Variants in ACBD5 observed in about 807,000 individuals in gnomAD.
ACBD5 encodes acyl-CoA-binding domain-containing protein 5.
Under a neutral mutation model 71.8 loss-of-function variants are expected in ACBD5, and 40 were observed. The ratio of observed to expected loss-of-function variants is 0.56; its 90% CI spans 0.43 to 0.72. The LOEUF is 0.72. Ranked by LOEUF, ACBD5 falls within the 30% of genes least tolerant of loss-of-function variation. ACBD5 has a pLI of 0.00. For synonymous variants in ACBD5, 229 were observed against 218.6 expected, an observed-to-expected ratio of 1.05 and a Z score of -0.42; for missense variants, 559 against 644.5, an observed-to-expected ratio of 0.87 and a Z score of 1.44.
chr10:27,227,674 C>T (rs1392919052), intron 4 of ACBD5, among the ~76,000 whole-genome samples: 1 of 152,080 alleles, frequency 6.6e-6, no homozygotes, highest in Non-Finnish European at 1.5e-5. Context: ...ATGGACTAGA[C>T]CCTCTGCCAT....
chr10:27,212,607 C>G (rs987732990), intron 8 of ACBD5, among the ~76,000 whole-genome samples: 3 of 113,730 alleles, frequency 2.6e-5, no homozygotes, highest in Non-Finnish European at 3.5e-5. Flanking sequence ...GAGACAAGTT[C>G]TGGCTTTATA....
chr10:27,228,809 ATATATATTTTTTTTT>A (rs1247937678), intron 4 of ACBD5, among the ~76,000 whole-genome samples: 1,310 of 14,792 alleles, frequency 0.089, 36 homozygotes, highest in South Asian at 0.21. Flanking sequence ...ATATATATAT[ATATATATTTTTTTTT>A]TTTTTTTTTT....
chr10:27,186,694 C>A, intron 13 of ACBD5: 1 of 709,758 alleles, frequency 1.4e-6, no homozygotes. Context: ...AGTTAAAAGG[C>A]TGAAAGGAAT....
In ACBD5 at chr10:27,240,620, C is replaced by A. The variant is rs2797078; in HGVS notation, c.15+54G>T. Reference sequence around the variant, plus strand: ...GCGGCCCGGCTCCTTCCTCCTCCCCCGGGGCGTGACTAAGGCCACGAATCC... The same window carrying A: ...GCGGCCCGGCTCCTTCCTCCTCCCCAGGGGCGTGACTAAGGCCACGAATCC... On this transcript the variant is annotated intron_variant, in intron 1 of 12. Transcript: ENST00000396271. The surrounding 1 kb of genome is among the most constrained non-coding windows in gnomAD (Gnocchi z 4.1). 1,139,069 of 1,550,542 alleles carry A rather than the reference C, an allele frequency of 0.73. 419,825 individuals are homozygous for A. Among genetic ancestry groups the A allele is most frequent in the Admixed American group, 0.77 (39,021 of 50,960 alleles).
intron 2 of ACBD5, among the ~76,000 whole-genome samples, chr10:27,235,888 G>A (rs1477484342): frequency 1.3e-5 from 2 of 152,118 alleles, no homozygotes; most frequent in African/African-American, 4.8e-5. Context: ...TGAGGTGGGT[G>A]GATCACCTGA....
At chr10:27,215,944 G>A (rs992511638) in intron 7 of ACBD5, among the ~76,000 whole-genome samples, 1 of 151,878 alleles carries the variant, frequency 6.6e-6, no homozygotes, top group Admixed American at 6.6e-5. Context: ...GTGCGATCTC[G>A]GCTCACAGCA....
chr10:27,222,057 T>A (rs1396615191), intron 5 of ACBD5, among the ~76,000 whole-genome samples: 1 of 151,978 alleles, frequency 6.6e-6, no homozygotes, highest in Non-Finnish European at 1.5e-5. Flanking sequence ...TGTGGTAGAG[T>A]TATGCCCAGT....
At position 27,226,029 on chromosome 10, in the gene ACBD5, T is replaced by G. The variant is rs114238520; in HGVS notation, c.376-2577A>C. 8.1e-3 allele frequency among the ~76,000 whole-genome samples: 1,229 copies of G among 152,302 alleles called. 24 individuals carry two copies. The highest frequency in any genetic ancestry group is 0.028 in the African/African-American group (1,155 of 41,560). On this transcript the variant is annotated intron_variant, in intron 4 of 12. Transcript: ENST00000396271. ...AGAACGAAATAAAAGGAGTATCCAT[T>G]GGCAGTAAGCAAATATTAACTGAGT...
intron 12 of ACBD5, among the ~76,000 whole-genome samples, chr10:27,204,084 T>C (rs1166534185): frequency 7.8e-6 from 1 of 127,984 alleles, no homozygotes; most frequent in Non-Finnish European, 1.5e-5. Context: ...CACATGATCA[T>C]GCCTGTGAAC....
Position 27,204,470 on chromosome 10 carries a change from A to C in ACBD5, c.1535T>G (p.Leu512Trp). ...AIIWPFIAQW[L>W]VYLYYQRRRR... ...CCTTCTTTGATAGTATAAATACACCAACCACTGTGCAATAAAAGGCCATAT... is the reference window on the plus strand; with the variant it reads ...CCTTCTTTGATAGTATAAATACACCCACCACTGTGCAATAAAAGGCCATAT... The change falls in exon 12 of 13, where the codon TTG (leucine) becomes TGG (tryptophan). Residue 512 changes from leucine (L) to tryptophan (W), a missense_variant. Coordinates refer to ENST00000396271, the MANE Select transcript of ACBD5 (RefSeq NM_145698.5). 10 of 1,614,088 alleles carry C rather than the reference A, an allele frequency of 6.2e-6. No homozygotes were observed. The highest frequency in any genetic ancestry group is 8.5e-6 in the Non-Finnish European group (10 of 1,179,940).
At position 27,195,252 on chromosome 10, in the gene ACBD5, C is replaced by T. The variant is rs1210215777; in HGVS notation, c.*2178G>A. The T allele has an allele frequency of 9.6e-6, 4 of 415,856 alleles. No homozygotes were observed. Among genetic ancestry groups the T allele is most frequent in the African/African-American group, 4.2e-5 (2 of 47,656 alleles). The allele number at this position is 415,856 out of a possible 1,614,324, so 25.8% of individuals were successfully genotyped here. On this transcript the variant is annotated 3_prime_UTR_variant, in exon 13 of 13. Coordinates refer to ENST00000396271, the MANE Select transcript of ACBD5 (RefSeq NM_145698.5). Reference sequence around the variant, plus strand: ...ACCTTTTATTTTTAACTTAGTTTTACAATAAACAGAAAAGAAGTTATCATT... The same window carrying T: ...ACCTTTTATTTTTAACTTAGTTTTATAATAAACAGAAAAGAAGTTATCATT...
intron 13 of ACBD5, among the ~76,000 whole-genome samples, chr10:27,187,172 C>A (rs534636519): frequency 6.6e-6 from 1 of 152,056 alleles, no homozygotes; most frequent in East Asian, 1.9e-4. Flanking sequence ...TGTTGGTGGG[C>A]GCCTGTAGTC....
intron 12 of ACBD5, among the ~76,000 whole-genome samples, chr10:27,199,085 G>C (rs1282930283): frequency 6.6e-6 from 1 of 151,332 alleles, no homozygotes; most frequent in Admixed American, 6.6e-5. Flanking sequence ...CTCCAGCCTA[G>C]GTGACACAGC....
At chr10:27,206,670 C>G (rs2060496805) in intron 10 of ACBD5, among the ~76,000 whole-genome samples, 1 of 151,928 alleles carries the variant, frequency 6.6e-6, no homozygotes, top group Non-Finnish European at 1.5e-5. Flanking sequence ...CATGCACCAC[C>G]ACGCCCAGCT....
chr10:27,183,594 G>A (rs998608310), intron 13 of ACBD5, among the ~76,000 whole-genome samples: 8 of 152,106 alleles, frequency 5.3e-5, no homozygotes, highest in African/African-American at 1.9e-4. Context: ...GTAATATAGA[G>A]AAAAGCATTA....
At chr10:27,221,301 A>C (rs1410826783) in intron 5 of ACBD5, among the ~76,000 whole-genome samples, 1 of 152,208 alleles carries the variant, frequency 6.6e-6, no homozygotes, top group African/African-American at 2.4e-5. Context: ...AAATAGTTAC[A>C]TTAAAGAGGA....
At chr10:27,184,497 G>A (rs187352705) in intron 13 of ACBD5, among the ~76,000 whole-genome samples, 6 of 150,140 alleles carry the variant, frequency 4.0e-5, no homozygotes, top group Admixed American at 4.0e-4. Context: ...GTGAGTGTCT[G>A]AATGCAACAT....
At chr10:27,224,243 G>T (rs925926226) in intron 4 of ACBD5, among the ~76,000 whole-genome samples, 28 of 151,860 alleles carry the variant, frequency 1.8e-4, no homozygotes, top group African/African-American at 6.8e-4. Flanking sequence ...CAGACATGGC[G>T]GTGCACGCCT....
Position 27,197,388 on chromosome 10 carries a change from C to A in ACBD5, c.*42G>T. ...ACCACAATCCAGTTCATTCTGAGGTCATCCAGTTCCAGTAGTCTTCTTGAG... is the reference window on the plus strand; with the variant it reads ...ACCACAATCCAGTTCATTCTGAGGTAATCCAGTTCCAGTAGTCTTCTTGAG... On this transcript the variant is annotated 3_prime_UTR_variant, in exon 13 of 13. Coordinates refer to ENST00000396271, the MANE Select transcript of ACBD5 (RefSeq NM_145698.5). 6.3e-7 allele frequency: 1 copy of A among 1,598,124 alleles called. No individual in the cohort carries two copies. Among genetic ancestry groups the A allele is most frequent in the South Asian group, 1.1e-5 (1 of 90,284 alleles).
Sources: gnomAD v4.1 joint callset for allele counts (sites outside exome capture counted in the v4.1 genomes callset) on GRCh38, gnomAD v4.1.1 for gene constraint, Gnocchi (gnomAD v3.1) non-coding constraint, MANE v1.5 for transcripts, NCBI Gene and HGNC (gene_info 2026-07-23, HGNC 2026-07-21) for gene names.